Variants in CSGALNACT1 observed in about 807,000 individuals in gnomAD.
The protein encoded by CSGALNACT1 is beta4GalNAcT-1.
CSGALNACT1 carries 52 observed loss-of-function variants against 51.0 expected under a neutral mutation model. The observed-to-expected ratio is 1.02, with a 90% confidence interval of 0.82 to 1.29. The LOEUF (loss-of-function observed/expected upper bound fraction) is 1.29. Among genes scored for constraint, CSGALNACT1 ranks in the 50% most tolerant of loss-of-function variants. The pLI is 0.00. For synonymous variants in CSGALNACT1, 341 were observed against 254.4 expected, an observed-to-expected ratio of 1.34 and a Z score of -3.24; for missense variants, 935 against 679.2, an observed-to-expected ratio of 1.38 and a Z score of -4.19.
At chr8:19,405,737 A>C in exon 10 of CSGALNACT1, 2 of 1,613,138 alleles carry the variant, frequency 1.2e-6, no homozygotes, top group Middle Eastern at 1.7e-4. Context: ...CAGTAATTGC[A>C]AAAGGAAAGA....
chr8:19,731,787 A>G lies in CSGALNACT1; in HGVS notation c.-297+26063T>C, dbSNP rs190031550. The stretch of plus-strand genomic sequence containing the variant: ...CATCTCAGGCTCTAATTCTTGATCA[A>G]GAAACAGCAGATACTTACTTGCCAG... On this transcript the variant is annotated intron_variant, in intron 1 of 1. Transcript: ENST00000517494. Among the ~76,000 whole-genome samples the G allele has an allele frequency of 2.1e-3, 317 of 152,350 alleles. 1 individual carries two copies. The highest frequency in any genetic ancestry group is 7.3e-3 in the African/African-American group (303 of 41,590).
At chr8:19,506,991 G>C (rs769569683) in intron 3 of CSGALNACT1, among the ~76,000 whole-genome samples, 2 of 152,238 alleles carry the variant, frequency 1.3e-5, no homozygotes, top group Non-Finnish European at 2.9e-5. Flanking sequence ...GTGTTCACCT[G>C]TGTGCACTCA....
intron 1 of CSGALNACT1, among the ~76,000 whole-genome samples, chr8:19,687,761 A>C (rs529416364): frequency 1.3e-5 from 2 of 152,354 alleles, no homozygotes; most frequent in South Asian, 4.1e-4. Context: ...AGACAATACT[A>C]TTATTACTAT....
At chr8:19,563,673 G>A (rs1166316129) in intron 3 of CSGALNACT1, among the ~76,000 whole-genome samples, 1 of 152,036 alleles carries the variant, frequency 6.6e-6, no homozygotes, top group African/African-American at 2.4e-5. Context: ...GACTACCATG[G>A]TAGCTTTCTA....
intron 1 of CSGALNACT1, among the ~76,000 whole-genome samples, chr8:19,653,748 T>C (rs2058028846): frequency 6.6e-6 from 1 of 151,468 alleles, no homozygotes; most frequent in Non-Finnish European, 1.5e-5. Context: ...CGGTGAACCG[T>C]GATTTTGCCA....
intron 1 of CSGALNACT1, among the ~76,000 whole-genome samples, chr8:19,678,271 T>A (rs1256015615): frequency 6.6e-6 from 1 of 152,124 alleles, no homozygotes; most frequent in Non-Finnish European, 1.5e-5. Flanking sequence ...TATCCAGACA[T>A]CTCTGCATAG....
At chr8:19,738,622 A>T (rs1460431595) in intron 1 of CSGALNACT1, among the ~76,000 whole-genome samples, 1 of 152,222 alleles carries the variant, frequency 6.6e-6, no homozygotes, top group African/African-American at 2.4e-5. Context: ...AATGGTAAAA[A>T]TAATGAATTT....
At chr8:19,574,895 C>T (rs564932328) in intron 3 of CSGALNACT1, among the ~76,000 whole-genome samples, 1 of 152,086 alleles carries the variant, frequency 6.6e-6, no homozygotes, top group Non-Finnish European at 1.5e-5. Context: ...ATTAGCTGGA[C>T]ATGGTAGCGG....
intron 1 of CSGALNACT1, among the ~76,000 whole-genome samples, chr8:19,726,139 G>A (rs984143129): frequency 2.0e-5 from 3 of 151,930 alleles, no homozygotes; most frequent in Admixed American, 6.6e-5. Context: ...TGCCTGCATC[G>A]CCTGTATATT....
intron 4 of CSGALNACT1, among the ~76,000 whole-genome samples, chr8:19,500,385 G>T (rs911440651): frequency 6.6e-6 from 1 of 152,164 alleles, no homozygotes; most frequent in Non-Finnish European, 1.5e-5. Context: ...TCTGCACCAA[G>T]ATGTCCACAT....
At chr8:19,408,822 G>T in intron 8 of CSGALNACT1, 128 bp from the exon 8 acceptor site, 2 of 782,230 alleles carry the variant, frequency 2.6e-6, no homozygotes, top group Non-Finnish European at 4.5e-6. Context: ...CTCCACTGGT[G>T]CAGGAAACGC....
intron 1 of CSGALNACT1, among the ~76,000 whole-genome samples, chr8:19,648,036 G>C (rs574004365): frequency 6.6e-6 from 1 of 152,280 alleles, no homozygotes; most frequent in South Asian, 2.1e-4. Flanking sequence ...TTGTTGCTCA[G>C]GGTTTCTATT....
At chr8:19,648,996 T>C (rs978542288) in intron 1 of CSGALNACT1, among the ~76,000 whole-genome samples, 2 of 152,166 alleles carry the variant, frequency 1.3e-5, no homozygotes, top group African/African-American at 4.8e-5. Flanking sequence ...TTTAAATATA[T>C]AATAGTACTC....
rs183183689 is a variant in CSGALNACT1, at chr8:19,570,633, G to A, written c.-297+20527C>T. On this transcript the variant is annotated intron_variant, in intron 3 of 9. Coordinates refer to ENST00000454498, the Ensembl canonical transcript of CSGALNACT1. ...AAGACATGTACAGGCCGGGTTTGGC[G>A]GCTCAAGCCTGTAATGCCAGCACTT... Among the ~76,000 whole-genome samples, 26 of 152,304 alleles carry A rather than the reference G, an allele frequency of 1.7e-4. No homozygotes were observed. The East Asian group carries it at 2.7e-3, about 16-fold the overall frequency.
At chr8:19,607,505 C>T (rs367733302) in intron 1 of CSGALNACT1, among the ~76,000 whole-genome samples, 1 of 152,176 alleles carries the variant, frequency 6.6e-6, no homozygotes, top group African/African-American at 2.4e-5. Flanking sequence ...AAACGGTCTG[C>T]AGTGCCATAG....
intron 3 of CSGALNACT1, among the ~76,000 whole-genome samples, chr8:19,512,935 G>C (rs1313559051): frequency 6.6e-6 from 1 of 152,188 alleles, no homozygotes; most frequent in Non-Finnish European, 1.5e-5. Context: ...CACGGGCCAA[G>C]TTAACTGAGA....
At chr8:19,624,790 T>G (rs1008655174) in intron 1 of CSGALNACT1, among the ~76,000 whole-genome samples, 3 of 152,064 alleles carry the variant, frequency 2.0e-5, no homozygotes, top group African/African-American at 7.2e-5. Context: ...GCGATTCTCC[T>G]GCCTCAGCCT....
chr8:19,718,937 C>T (rs10085966), intron 1 of CSGALNACT1, among the ~76,000 whole-genome samples: 66,425 of 152,042 alleles, frequency 0.44, 15,070 homozygotes, highest in Middle Eastern at 0.61. Flanking sequence ...TATTAACATA[C>T]GCCCTGCAAG....
At chr8:19,628,882 A>G (rs925360309) in intron 1 of CSGALNACT1, among the ~76,000 whole-genome samples, 2 of 152,160 alleles carry the variant, frequency 1.3e-5, no homozygotes, top group African/African-American at 4.8e-5. Flanking sequence ...AAAGAACACA[A>G]AAAGACAAAG....
Sources: allele counts gnomAD v4.1 joint callset (sites outside exome capture counted in the v4.1 genomes callset), GRCh38; gene constraint gnomAD v4.1.1; transcripts MANE v1.5; gene names NCBI Gene and HGNC (gene_info 2026-07-23, HGNC 2026-07-21).